Variants in RABGAP1L observed in about 807,000 individuals in gnomAD.
The protein encoded by RABGAP1L is rab GTPase-activating protein 1-like.
Under a neutral mutation model 137.7 loss-of-function variants are expected in RABGAP1L, and 63 were observed. The ratio of observed to expected loss-of-function variants is 0.46; its 90% CI spans 0.37 to 0.56. RABGAP1L has a LOEUF of 0.56. Among genes scored for constraint, RABGAP1L ranks in the 20% least tolerant of loss-of-function variants. The probability of loss-of-function intolerance (pLI) is 0.00; values close to 1 mark genes in which losing one functional copy is unlikely to be tolerated. For synonymous variants in RABGAP1L, 431 were observed against 433.7 expected, an observed-to-expected ratio of 0.99 and a Z score of 0.08; for missense variants, 1,095 against 1,244.0, an observed-to-expected ratio of 0.88 and a Z score of 1.80.
chr1:174,635,954 A>G (rs1346810518), intron 13 of RABGAP1L, among the ~76,000 whole-genome samples: 4 of 152,180 alleles, frequency 2.6e-5, no homozygotes, highest in African/African-American at 9.7e-5. Context: ...TCTTGATTTG[A>G]GACTGAAGAG....
intron 19 of RABGAP1L, among the ~76,000 whole-genome samples, chr1:174,869,788 C>T (rs1031957130): frequency 6.6e-6 from 1 of 151,788 alleles, no homozygotes; most frequent in African/African-American, 2.4e-5. Flanking sequence ...AGATTAGTGC[C>T]CTTATAAAAA....
chr1:174,261,783 T>TA (rs1673597096), intron 7 of RABGAP1L, among the ~76,000 whole-genome samples: 1 of 152,376 alleles, frequency 6.6e-6, no homozygotes, highest in Admixed American at 6.5e-5. Context: ...AAACTCAAGT[T>TA]ACTATCTTGA....
intron 13 of RABGAP1L, among the ~76,000 whole-genome samples, chr1:174,445,935 C>T (rs563033227): frequency 2.6e-5 from 4 of 152,236 alleles, no homozygotes; most frequent in South Asian, 2.1e-4. Context: ...CAGTCTTGAT[C>T]GGAGCTTGCC....
At chr1:174,665,736 A>T (rs560326276) in intron 14 of RABGAP1L, among the ~76,000 whole-genome samples, 1 of 152,356 alleles carries the variant, frequency 6.6e-6, no homozygotes, top group East Asian at 1.9e-4. Flanking sequence ...AAGTGCTGGG[A>T]TTACTGGCGT....
chr1:174,541,687 A>C (rs1375394161), intron 13 of RABGAP1L, among the ~76,000 whole-genome samples: 1 of 152,070 alleles, frequency 6.6e-6, no homozygotes, highest in East Asian at 1.9e-4. Flanking sequence ...GAGGCAGGAG[A>C]ATGGCATGAA....
At chr1:174,492,282 G>A (rs530718440) in intron 13 of RABGAP1L, among the ~76,000 whole-genome samples, 1 of 149,020 alleles carries the variant, frequency 6.7e-6, no homozygotes, top group South Asian at 2.1e-4. Context: ...CCAGGTTCAA[G>A]TGATTCTCCT....
intron 1 of RABGAP1L, among the ~76,000 whole-genome samples, chr1:174,171,092 T>G (rs980830082): frequency 3.3e-5 from 5 of 152,204 alleles, no homozygotes; most frequent in Non-Finnish European, 5.9e-5. Context: ...GTGGATCAGA[T>G]GATCTCTAGC....
intron 11 of RABGAP1L, among the ~76,000 whole-genome samples, chr1:174,343,808 T>C (rs993084931): frequency 1.3e-5 from 2 of 152,156 alleles, no homozygotes; most frequent in African/African-American, 4.8e-5. Context: ...CAGTCTATAT[T>C]GTTTTGGGCT....
At position 174,934,758 on chromosome 1, in the gene RABGAP1L, G is replaced by A. The variant is rs905718149; in HGVS notation, c.2341-22699G>A. 6.6e-5 allele frequency among the ~76,000 whole-genome samples: 10 copies of A among 152,178 alleles called. No individual in the cohort carries two copies. In the South Asian group the frequency reaches 8.3e-4, roughly 13 times the overall value. ...GTAAACTGAGATAATACCACTGCAC[G>A]CCAGCCTAGGCACCAGAGTGATACC... is the stretch of plus-strand genomic sequence containing the variant. On this transcript the variant is annotated intron_variant, in intron 19 of 25. Coordinates refer to ENST00000681986, the MANE Select transcript of RABGAP1L (RefSeq NM_001366446.1).
intron 19 of RABGAP1L, among the ~76,000 whole-genome samples, chr1:174,841,997 A>C (rs575220744): frequency 6.6e-6 from 1 of 152,312 alleles, no homozygotes; most frequent in South Asian, 2.1e-4. Flanking sequence ...ATTATGATAA[A>C]AGGAATAAAG....
In RABGAP1L at chr1:174,711,881, A is replaced by G. The variant is rs575460863; in HGVS notation, c.2169+9625A>G. Among the ~76,000 whole-genome samples the G allele has an allele frequency of 5.3e-5, 8 of 152,316 alleles. No homozygotes were observed. The East Asian group carries it at 1.4e-3, about 26-fold the overall frequency. On this transcript the variant is annotated intron_variant, in intron 17 of 25. Transcript: ENST00000681986. ...AGCTGAGCTTCTGAGTCGGGTGGGA[A>G]CTTGGAGAACTTTTATGTTTAGCTA... is the stretch of plus-strand genomic sequence containing the variant.
intron 13 of RABGAP1L, among the ~76,000 whole-genome samples, chr1:174,623,534 A>G (rs192213311): frequency 6.6e-6 from 1 of 152,342 alleles, no homozygotes; most frequent in East Asian, 1.9e-4. Context: ...TGAGTCCAGG[A>G]GAAGCACCAA....
chr1:174,486,065 G>T (rs1030949349), intron 13 of RABGAP1L, among the ~76,000 whole-genome samples: 1 of 151,958 alleles, frequency 6.6e-6, no homozygotes, highest in African/African-American at 2.4e-5. Context: ...CTCTTGGTAG[G>T]TTGGCTATAT....
intron 17 of RABGAP1L, among the ~76,000 whole-genome samples, chr1:174,710,725 T>C (rs767107467): frequency 1.9e-4 from 29 of 152,082 alleles, no homozygotes; most frequent in East Asian, 3.9e-4. Flanking sequence ...ACAAAACAAA[T>C]TGTAAAGACC....
rs1402384111 is a variant in RABGAP1L, at chr1:174,215,747, A to G, written c.-33-3378A>G. The stretch of plus-strand genomic sequence containing the variant: ...GGGAGTATGCATTAGTACAAGCACT[A>G]TGAAGAACAGTTTATATGTTCCTTA... On this transcript the variant is annotated intron_variant, in intron 1 of 25. Transcript: ENST00000681986. Among the ~76,000 whole-genome samples the G allele has an allele frequency of 2.0e-5, 3 of 152,172 alleles. No individual in the cohort carries two copies. The East Asian group carries it at 5.8e-4, about 29-fold the overall frequency.
intron 13 of RABGAP1L, among the ~76,000 whole-genome samples, chr1:174,469,912 G>A (rs888814512): frequency 1.1e-4 from 16 of 151,890 alleles, no homozygotes; most frequent in South Asian, 6.2e-4. Context: ...TTAAAGCCTC[G>A]TGGGGAACTA....
chr1:174,706,470 T>A (rs1321616288), intron 17 of RABGAP1L, among the ~76,000 whole-genome samples: 1 of 152,170 alleles, frequency 6.6e-6, no homozygotes, highest in African/African-American at 2.4e-5. Flanking sequence ...ATTATCTGCC[T>A]TTATCTGTTT....
At chr1:174,762,434 T>C (rs549797987) in intron 18 of RABGAP1L, among the ~76,000 whole-genome samples, 1 of 152,342 alleles carries the variant, frequency 6.6e-6, no homozygotes, top group East Asian at 1.9e-4. Context: ...ATAAGCTAAT[T>C]TCCATTTAGC....
chr1:174,644,285 C>T (rs1572658702), intron 14 of RABGAP1L, among the ~76,000 whole-genome samples: 1 of 151,930 alleles, frequency 6.6e-6, no homozygotes, highest in Admixed American at 6.6e-5. Flanking sequence ...GGTCTTAGTC[C>T]CTAAGAGCTT....
Sources: gnomAD v4.1 joint callset for allele counts (sites outside exome capture counted in the v4.1 genomes callset) on GRCh38, gnomAD v4.1.1 for gene constraint, MANE v1.5 for transcripts, NCBI Gene and HGNC (gene_info 2026-07-23, HGNC 2026-07-21) for gene names.